HMGN3: variants seen among roughly 807,000 people sequenced by gnomAD.
HMGN3 encodes the protein high mobility group nucleosomal binding domain 3, also known as high mobility group nucleosome-binding domain-containing protein 3.
HMGN3 carries 6 observed loss-of-function variants against 18.8 expected under a neutral mutation model. The ratio of observed to expected loss-of-function variants is 0.32; its 90% confidence interval spans 0.18 to 0.63. The LOEUF (loss-of-function observed/expected upper bound fraction) is 0.63. Among genes scored for constraint, HMGN3 ranks in the 30% least tolerant of loss-of-function variants. The probability of loss-of-function intolerance (pLI) is 0.79; values close to 1 mark genes in which losing one functional copy is unlikely to be tolerated. For missense variants in HMGN3, 107 were observed against 114.2 expected (o/e 0.94, Z 0.29); for synonymous variants, 40 against 36.5 (o/e 1.10, Z -0.35).
chr6:79,202,315 A>G lies in HMGN3; in HGVS notation c.222T>C (p.Gly74=). 2 of 1,614,070 alleles carry G rather than the reference A, an allele frequency of 1.2e-6. No individual in the cohort carries two copies. Among genetic ancestry groups the G allele is most frequent in the Non-Finnish European group, 1.7e-6 (2 of 1,179,982 alleles). ...TTTCACCATTTTCAGATGGTGCAGT[A>G]CCTTCCTTTCCAGCTTCCTGCTTTT... The change falls in exon 5 of 6, where the codon GGT becomes GGC. Residue 74 remains glycine, a synonymous_variant. Coordinates refer to ENST00000344726, the Ensembl canonical transcript of HMGN3.
intron 4 of HMGN3, among the ~76,000 whole-genome samples, chr6:79,203,147 A>C (rs1465621986): frequency 6.6e-6 from 1 of 152,180 alleles, no homozygotes; most frequent in East Asian, 1.9e-4. Flanking sequence ...GGGCCTTATA[A>C]ATGCCAATAT....
At chr6:79,223,834 C>T (rs1777426111) in intron 1 of HMGN3, among the ~76,000 whole-genome samples, 1 of 151,860 alleles carries the variant, frequency 6.6e-6, no homozygotes, top group African/African-American at 2.4e-5. Flanking sequence ...CTGGCTCACA[C>T]CTGACTTCTC....
chr6:79,206,921 C>G (rs1776450683), intron 3 of HMGN3, among the ~76,000 whole-genome samples: 1 of 152,200 alleles, frequency 6.6e-6, no homozygotes, highest in Non-Finnish European at 1.5e-5. Flanking sequence ...AGTCAAAGAT[C>G]ATTTTGGAGC....
chr6:79,233,710 G>A (rs1188128455), intron 1 of HMGN3: 1 of 152,308 alleles, frequency 6.6e-6, no homozygotes, highest in Non-Finnish European at 1.5e-5. Context: ...GAAGAGGACA[G>A]TCCGCAAGGG....
intron 2 of HMGN3, among the ~76,000 whole-genome samples, chr6:79,212,590 G>C (rs921810465): frequency 3.3e-5 from 5 of 152,170 alleles, no homozygotes; most frequent in African/African-American, 4.8e-5. Flanking sequence ...ATATGGACCA[G>C]ACAAAATAAT....
chr6:79,225,558 G>T (rs1777524627), intron 1 of HMGN3, among the ~76,000 whole-genome samples: 1 of 152,080 alleles, frequency 6.6e-6, no homozygotes, highest in African/African-American at 2.4e-5. Context: ...TCAATATATT[G>T]TATAATATGC....
chr6:79,211,690 A>G (rs574601423), intron 2 of HMGN3, among the ~76,000 whole-genome samples: 17 of 152,272 alleles, frequency 1.1e-4, no homozygotes, highest in African/African-American at 3.6e-4. Context: ...AGGGTTTGCC[A>G]CTATGGTATA....
intron 5 of HMGN3, 88 bp from the exon 7 acceptor site, chr6:79,201,814 T>C: frequency 6.5e-7 from 1 of 1,533,946 alleles, no homozygotes; most frequent in Non-Finnish European, 8.7e-7. Flanking sequence ...ACACACAGTT[T>C]TGAACATTTG....
intron 1 of HMGN3, among the ~76,000 whole-genome samples, chr6:79,218,541 T>G (rs1777107969): frequency 6.6e-6 from 1 of 151,924 alleles, no homozygotes; most frequent in South Asian, 2.1e-4. Context: ...AACGTAATGT[T>G]GGGCAAAAAA....
intron 1 of HMGN3, among the ~76,000 whole-genome samples, chr6:79,230,868 C>T (rs1322487141): frequency 4.6e-5 from 7 of 152,022 alleles, no homozygotes; most frequent in Non-Finnish European, 1.0e-4. Flanking sequence ...GGTGTTATGA[C>T]AAGTAATATT....
intron 5 of HMGN3, 141 bp from the exon 7 acceptor site, chr6:79,201,867 C>T: frequency 6.9e-7 from 1 of 1,455,416 alleles, no homozygotes; most frequent in Non-Finnish European, 9.0e-7. Flanking sequence ...CCTATTTCAA[C>T]TCTGAGTGAA....
intron 1 of HMGN3, among the ~76,000 whole-genome samples, chr6:79,233,503 C>T (rs1777960467): frequency 6.6e-6 from 1 of 152,182 alleles, no homozygotes; most frequent in African/African-American, 2.4e-5. Context: ...AATACCCACA[C>T]TCGTTGACAC....
intron 1 of HMGN3, among the ~76,000 whole-genome samples, chr6:79,218,402 TA>T (rs1349712384): frequency 1.3e-5 from 2 of 152,024 alleles, no homozygotes; most frequent in Non-Finnish European, 2.9e-5. Context: ...TAAAATTAAT[TA>T]AAAAGTAGAA....
chr6:79,208,557 C>A (rs765783416), exon 3 of HMGN3: 1 of 1,610,910 alleles, frequency 6.2e-7, no homozygotes, highest in South Asian at 1.1e-5. Flanking sequence ...CGCTGACAAT[C>A]TGGCAGACCG....
chr6:79,224,925 T>C lies in HMGN3; in HGVS notation c.15+9621A>G, dbSNP rs1259856561. Among the ~76,000 whole-genome samples, 4 of 152,214 alleles carry C rather than the reference T, an allele frequency of 2.6e-5. No individual in the cohort carries two copies. In the East Asian group the frequency reaches 5.8e-4, roughly 22 times the overall value. On this transcript the variant is annotated intron_variant, in intron 1 of 5. Transcript: ENST00000344726. ...TTGTATTTTTGCAAAACTAATCAGC[T>C]GGCTGTAATGTGATCTACATATGGT... is the stretch of plus-strand genomic sequence containing the variant.
chr6:79,219,924 T>C (rs190238254), intron 1 of HMGN3, among the ~76,000 whole-genome samples: 2 of 152,316 alleles, frequency 1.3e-5, no homozygotes, highest in Non-Finnish European at 2.9e-5. Context: ...GCTCCAAACA[T>C]TTATAATTTA....
At chr6:79,220,939 C>G (rs1349203763) in intron 1 of HMGN3, among the ~76,000 whole-genome samples, 1 of 151,898 alleles carries the variant, frequency 6.6e-6, no homozygotes, top group Non-Finnish European at 1.5e-5. Context: ...AATTTATTTT[C>G]TAAAAAGGCC....
intron 1 of HMGN3, among the ~76,000 whole-genome samples, chr6:79,230,330 A>C (rs1035986122): frequency 1.3e-5 from 2 of 152,218 alleles, no homozygotes; most frequent in Admixed American, 1.3e-4. Flanking sequence ...GGAATGATGG[A>C]AATGTTACAA....
At chr6:79,229,644 G>A (rs1427127485) in intron 1 of HMGN3, among the ~76,000 whole-genome samples, 2 of 152,184 alleles carry the variant, frequency 1.3e-5, no homozygotes, top group Non-Finnish European at 2.9e-5. Flanking sequence ...TTGGGAGGCC[G>A]AGACGGGCGG....
Sources: gnomAD v4.1 joint callset for allele counts (sites outside exome capture counted in the v4.1 genomes callset) on GRCh38, gnomAD v4.1.1 for gene constraint, MANE v1.5 for transcripts, NCBI Gene and HGNC (gene_info 2026-07-23, HGNC 2026-07-21) for gene names.